Variants in CNBD1 observed in about 807,000 individuals in gnomAD.
CNBD1 encodes the protein cyclic nucleotide-binding domain-containing protein 1.
Under a neutral mutation model 54.4 loss-of-function variants are expected in CNBD1, and 71 were observed. That is an observed-to-expected ratio of 1.30 (90% CI 1.08 to 1.59). CNBD1 has a LOEUF of 1.59. Among genes scored for constraint, CNBD1 ranks in the 40% most tolerant of loss-of-function variants. The pLI, the probability that CNBD1 is intolerant of heterozygous loss-of-function variation, is 0.00. For missense variants in CNBD1, 659 were observed against 518.0 expected (o/e 1.27, Z -2.64); for synonymous variants, 182 against 170.7 (o/e 1.07, Z -0.51).
intron 8 of CNBD1, among the ~76,000 whole-genome samples, chr8:87,333,098 A>G (rs1374669097): frequency 6.6e-6 from 1 of 152,016 alleles, no homozygotes; most frequent in Non-Finnish European, 1.5e-5. Context: ...GTCCCTTGTT[A>G]GATGTATCTC....
At chr8:87,301,836 A>G (rs1165509469) in intron 8 of CNBD1, among the ~76,000 whole-genome samples, 2 of 152,210 alleles carry the variant, frequency 1.3e-5, no homozygotes, top group Non-Finnish European at 2.9e-5. Context: ...AATACAAACT[A>G]CCATCAGAGA....
chr8:87,296,687 A>G (rs920639347), intron 8 of CNBD1, among the ~76,000 whole-genome samples: 3 of 151,888 alleles, frequency 2.0e-5, no homozygotes, highest in Admixed American at 6.6e-5. Context: ...ACCAATGACC[A>G]CTGAATTCAT....
At chr8:87,286,117 G>A (rs544802745) in intron 7 of CNBD1, among the ~76,000 whole-genome samples, 7 of 152,202 alleles carry the variant, frequency 4.6e-5, no homozygotes, top group Non-Finnish European at 8.8e-5. Flanking sequence ...AGAATTCAAC[G>A]TTATTCCAAA....
chr8:87,423,752 C>T (rs1346124052), intron 2 of CNBD1, among the ~76,000 whole-genome samples: 5 of 151,614 alleles, frequency 3.3e-5, no homozygotes, highest in Admixed American at 2.0e-4. Context: ...TTGGTTGTGT[C>T]TCTGCCCGGC....
At chr8:87,421,407 A>G (rs1211526958) in intron 2 of CNBD1, among the ~76,000 whole-genome samples, 1 of 141,590 alleles carries the variant, frequency 7.1e-6, no homozygotes, top group African/African-American at 2.6e-5. Flanking sequence ...TATATCTCCC[A>G]ATGCTCTCCC....
intron 8 of CNBD1, among the ~76,000 whole-genome samples, chr8:87,303,330 C>T (rs943914446): frequency 1.3e-5 from 2 of 151,892 alleles, no homozygotes; most frequent in African/African-American, 4.8e-5. Flanking sequence ...AGAAATAATG[C>T]CGCATATCTA....
At chr8:87,324,153 C>T (rs1809609405) in intron 8 of CNBD1, among the ~76,000 whole-genome samples, 1 of 124,262 alleles carries the variant, frequency 8.0e-6, no homozygotes, top group African/African-American at 3.0e-5. Flanking sequence ...GGGATGAAGC[C>T]CACTTGATCA....
Position 86,959,125 on chromosome 8 carries a change from T to C in CNBD1, c.431+19371T>C, listed in dbSNP as rs377248337. 2.6e-5 allele frequency among the ~76,000 whole-genome samples: 4 copies of C among 152,206 alleles called. No individual in the cohort carries two copies. The East Asian group carries it at 5.8e-4, about 22-fold the overall frequency. On this transcript the variant is annotated intron_variant, in intron 4 of 10. Coordinates refer to ENST00000518476, the MANE Select transcript of CNBD1 (RefSeq NM_173538.3). ...ACTTATGAAGCTTATTTTGACTGGA[T>C]ATGAAATTCTGGGTTGAAAATTCTT...
intron 8 of CNBD1, among the ~76,000 whole-genome samples, chr8:87,342,127 G>A (rs867699295): frequency 6.6e-5 from 10 of 152,176 alleles, no homozygotes; most frequent in Middle Eastern, 6.8e-3. Flanking sequence ...CAAAAAATTA[G>A]CCGGGCATGG....
chr8:87,062,336 A>G (rs1294965081), intron 4 of CNBD1, among the ~76,000 whole-genome samples: 1 of 152,174 alleles, frequency 6.6e-6, no homozygotes, highest in Non-Finnish European at 1.5e-5. Flanking sequence ...TTTGCATGTA[A>G]GTGAGCTTTG....
At chr8:86,885,369 T>A (rs867984436) in intron 1 of CNBD1, among the ~76,000 whole-genome samples, 1 of 152,318 alleles carries the variant, frequency 6.6e-6, no homozygotes, top group South Asian at 2.1e-4. Flanking sequence ...GGGTTCCTAG[T>A]TAAAGATTAA....
chr8:87,383,377 T>G (rs1811125146), downstream of CNBD1, among the ~76,000 whole-genome samples: 1 of 152,134 alleles, frequency 6.6e-6, no homozygotes, highest in Admixed American at 6.5e-5. Context: ...GTACGTTTAT[T>G]CAATACCTAC....
At chr8:87,297,163 CAAAAAAAAA>C (rs555582073) in intron 8 of CNBD1, among the ~76,000 whole-genome samples, 2 of 88,756 alleles carry the variant, frequency 2.3e-5, no homozygotes, top group Middle Eastern at 5.1e-3. Context: ...GGGTCCGTCT[CAAAAAAAAA>C]AAAAAAAAAA....
At chr8:87,378,691 A>T (rs1332302772) in intron 10 of CNBD1, among the ~76,000 whole-genome samples, 1 of 151,026 alleles carries the variant, frequency 6.6e-6, no homozygotes, top group Admixed American at 6.6e-5. Context: ...TTCTGCGAAG[A>T]AAGGCATTGG....
chr8:87,304,522 A>G, intron 8 of CNBD1, among the ~76,000 whole-genome samples: 1 of 152,040 alleles, frequency 6.6e-6, no homozygotes, highest in Non-Finnish European at 1.5e-5. Flanking sequence ...GCATTAGGAG[A>G]TATACCTAAT....
intron 4 of CNBD1, among the ~76,000 whole-genome samples, chr8:87,113,928 G>GA (rs1380424845): frequency 3.4e-5 from 5 of 148,446 alleles, no homozygotes; most frequent in African/African-American, 1.3e-4. Flanking sequence ...AAAAAAAAAA[G>GA]AAAAGAAAGA....
At chr8:87,088,010 T>C (rs1811136290) in intron 4 of CNBD1, among the ~76,000 whole-genome samples, 1 of 152,206 alleles carries the variant, frequency 6.6e-6, no homozygotes, top group African/African-American at 2.4e-5. Context: ...GATTAGCTTA[T>C]ATGCACATAA....
At chr8:87,164,776 A>G (rs1812927537) in intron 4 of CNBD1, among the ~76,000 whole-genome samples, 3 of 151,496 alleles carry the variant, frequency 2.0e-5, no homozygotes, top group Admixed American at 1.3e-4. Flanking sequence ...TCTCTGTGTC[A>G]TTTACATATG....
At chr8:87,314,177 T>C (rs936407143) in intron 8 of CNBD1, among the ~76,000 whole-genome samples, 7 of 151,978 alleles carry the variant, frequency 4.6e-5, no homozygotes, top group Non-Finnish European at 5.9e-5. Flanking sequence ...AGATTATTTA[T>C]GGATCTAAAA....
Sources: gnomAD v4.1 joint callset for allele counts (sites outside exome capture counted in the v4.1 genomes callset) on GRCh38, gnomAD v4.1.1 for gene constraint, MANE v1.5 for transcripts, NCBI Gene and HGNC (gene_info 2026-07-23, HGNC 2026-07-21) for gene names.